Variants in NDUFA8 observed in about 807,000 individuals in gnomAD.
NDUFA8 encodes NADH:ubiquinone oxidoreductase subunit A8.
NDUFA8 carries 16 observed loss-of-function variants against 20.9 expected under a neutral mutation model. That is an observed-to-expected ratio of 0.77 (90% CI 0.52 to 1.16). NDUFA8 has a LOEUF of 1.16. NDUFA8 is among the 50% of genes most tolerant of loss of function. The pLI, the probability that NDUFA8 is intolerant of heterozygous loss-of-function variation, is 0.00. For synonymous variants in NDUFA8, 70 were observed against 76.1 expected, an observed-to-expected ratio of 0.92 and a Z score of 0.41; for missense variants, 202 against 216.4, an observed-to-expected ratio of 0.93 and a Z score of 0.42.
At chr9:122,156,628 A>G (rs535680243) in intron 1 of NDUFA8, among the ~76,000 whole-genome samples, 1 of 152,364 alleles carries the variant, frequency 6.6e-6, no homozygotes, top group African/African-American at 2.4e-5. Flanking sequence ...GGGATGTGTC[A>G]TAACTCCTAA....
Position 122,144,299 on chromosome 9 carries a change from A to C in NDUFA8, c.461T>G (p.Ile154Ser), listed in dbSNP as rs750378723. The change falls in exon 4 of 4, where the codon ATC becomes AGC. Residue 154 changes from isoleucine to serine, a missense_variant. Ile to Ser is a moderately radical substitution (Grantham distance 142, BLOSUM62 -2). Transcript: ENST00000373768. ...TGTGGCAGGCTGCAGATCTCCCTCGATCTCAGGGCTGGGATCCGGTCTTGG... is the reference window on the plus strand; with the variant it reads ...TGTGGCAGGCTGCAGATCTCCCTCGCTCTCAGGGCTGGGATCCGGTCTTGG... Reference protein sequence around the residue: ...SRPRPDPSPEIEGDLQPATHG... With the variant: ...SRPRPDPSPESEGDLQPATHG... The C allele has an allele frequency of 3.1e-6, 5 of 1,613,976 alleles. No homozygotes were observed. In the Admixed American group the frequency reaches 8.3e-5, roughly 27 times the overall value.
chr9:122,138,916 T>C, the NDUFA8 span, among the ~76,000 whole-genome samples: 3 of 113,860 alleles, frequency 2.6e-5, no homozygotes, highest in Admixed American at 2.9e-4. Context: ...AGGCACAGAG[T>C]GGGGCTCAAC....
chr9:122,159,503 A>G (rs1042439852), intron 1 of NDUFA8, 124 bp downstream of exon 1: 4 of 1,172,204 alleles, frequency 3.4e-6, no homozygotes, highest in Admixed American at 1.7e-5. Flanking sequence ...CGACCTGTAT[A>G]TGCGTTGGAG....
chr9:122,149,177 G>C (rs1828953362), intron 2 of NDUFA8, among the ~76,000 whole-genome samples: 1 of 152,090 alleles, frequency 6.6e-6, no homozygotes, highest in South Asian at 2.1e-4. Context: ...ACTCTCACAT[G>C]AATCTTGTTT....
chr9:122,147,906 G>A (rs1588291858), intron 3 of NDUFA8, among the ~76,000 whole-genome samples: 3 of 152,258 alleles, frequency 2.0e-5, no homozygotes, highest in Middle Eastern at 3.4e-3. Flanking sequence ...GATTACAGGC[G>A]TGAGCCACCA....
At chr9:122,156,819 GCA>G (rs1345120502) in intron 1 of NDUFA8, among the ~76,000 whole-genome samples, 6 of 152,198 alleles carry the variant, frequency 3.9e-5, no homozygotes, top group African/African-American at 1.4e-4. Context: ...CTCTCTGTAA[GCA>G]CAGTCTCTGT....
rs180920547 is a variant in NDUFA8, at chr9:122,148,169, G to A, written c.324C>T (p.Asp108=). The A allele has an allele frequency of 2.4e-5, 39 of 1,614,152 alleles. No homozygotes were observed. Among genetic ancestry groups the A allele is most frequent in the African/African-American group, 1.2e-4 (9 of 75,028 alleles). The change falls in exon 3 of 4, where the codon GAC becomes GAT. Residue 108 remains aspartate, a synonymous_variant. Coordinates refer to ENST00000373768, the MANE Select transcript of NDUFA8 (RefSeq NM_014222.3). ...RHCRKQQAKF[D]ECVLDKLGWV... is the part of the protein sequence containing the mutation. ...AGCCCAGTTTGTCCAGCACACACTCGTCAAACTTTGCCTGCTGTTTGCGAC... is the reference window on the plus strand; with the variant it reads ...AGCCCAGTTTGTCCAGCACACACTCATCAAACTTTGCCTGCTGTTTGCGAC...
downstream of NDUFA8, among the ~76,000 whole-genome samples, chr9:122,139,342 C>T (rs1027012808): frequency 3.5e-5 from 4 of 113,718 alleles, no homozygotes; most frequent in South Asian, 2.9e-4. Context: ...TCTTCTTAAA[C>T]GTTCCCTCAC....
chr9:122,135,787 C>CCCCACCT, the NDUFA8 span, among the ~76,000 whole-genome samples: 1 of 152,138 alleles, frequency 6.6e-6, no homozygotes. Flanking sequence ...TGGGGTTTCA[C>CCCCACCT]CATGTTGCCC....
At chr9:122,141,860 G>A (rs1377899201), downstream of NDUFA8, among the ~76,000 whole-genome samples, 1 of 152,150 alleles carries the variant, frequency 6.6e-6, no homozygotes, top group Non-Finnish European at 1.5e-5. Context: ...GCGAGTACAG[G>A]AAAGCCAAAA....
intron 2 of NDUFA8, among the ~76,000 whole-genome samples, chr9:122,150,971 CAAAAAAA>C (rs71508152): frequency 4.2e-4 from 21 of 50,416 alleles, no homozygotes; most frequent in African/African-American, 2.0e-3. Context: ...GACTCCGTCT[CAAAAAAA>C]AAAAAAAAAA....
chr9:122,150,088 T>A (rs1828969486), intron 2 of NDUFA8, among the ~76,000 whole-genome samples: 1 of 151,992 alleles, frequency 6.6e-6, no homozygotes, highest in Admixed American at 6.6e-5. Context: ...CATACCAGAA[T>A]CCAGCGCTGA....
At chr9:122,140,835 C>G (rs372126107), downstream of NDUFA8, among the ~76,000 whole-genome samples, 1 of 152,168 alleles carries the variant, frequency 6.6e-6, no homozygotes, top group African/African-American at 2.4e-5. Flanking sequence ...CAGATGAGGA[C>G]TATAAGGTAC....
chr9:122,154,046 CATT>C (rs1829041677), intron 1 of NDUFA8, among the ~76,000 whole-genome samples: 1 of 152,194 alleles, frequency 6.6e-6, no homozygotes, highest in Non-Finnish European at 1.5e-5. Context: ...ACACTGGGGT[CATT>C]AACATCTTTC....
At chr9:122,147,803 T>C (rs1828928629) in intron 3 of NDUFA8, among the ~76,000 whole-genome samples, 2 of 152,144 alleles carry the variant, frequency 1.3e-5, no homozygotes, top group East Asian at 3.9e-4. Flanking sequence ...ATTTTTTGTA[T>C]TTTTAGTAGA....
intron 1 of NDUFA8, among the ~76,000 whole-genome samples, chr9:122,158,085 G>A (rs149704062): frequency 0.019 from 2,910 of 152,192 alleles, 44 homozygotes; most frequent in Non-Finnish European, 0.028. Flanking sequence ...CCCGGGAGGC[G>A]GAGGTTGCAG....
At chr9:122,138,486 C>A in the NDUFA8 span, among the ~76,000 whole-genome samples, 1 of 152,046 alleles carries the variant, frequency 6.6e-6, no homozygotes, top group Non-Finnish European at 1.5e-5. Context: ...TTTCCAATGG[C>A]GTTAATCATT....
chr9:122,146,081 G>A (rs1175623303), intron 3 of NDUFA8, among the ~76,000 whole-genome samples: 1 of 152,204 alleles, frequency 6.6e-6, no homozygotes, highest in African/African-American at 2.4e-5. Flanking sequence ...GGAAGGCACT[G>A]GTTGCAGTGA....
chr9:122,158,777 TTGTG>T (rs1327675198), intron 1 of NDUFA8, among the ~76,000 whole-genome samples: 15 of 146,800 alleles, frequency 1.0e-4, no homozygotes, highest in East Asian at 2.0e-4. Context: ...TACACACCAA[TTGTG>T]TGTGTGTATA....
Sources: allele counts gnomAD v4.1 joint callset (sites outside exome capture counted in the v4.1 genomes callset), GRCh38; gene constraint gnomAD v4.1.1; transcripts MANE v1.5; gene names NCBI Gene and HGNC (gene_info 2026-07-23, HGNC 2026-07-21).